The following RUFY1 variants were observed in gnomAD, a reference collection of about 807,000 sequenced individuals.
The protein encoded by RUFY1 is RUN and FYVE domain containing 1, also known as RUN and FYVE domain-containing protein 1.
A neutral mutation model predicts 94.6 loss-of-function variants in RUFY1; 54 were observed. That is an observed-to-expected ratio of 0.57 (90% CI 0.46 to 0.72). The LOEUF (loss-of-function observed/expected upper bound fraction) is 0.72, where lower values mean the gene tolerates loss of function less well. Ranked by LOEUF, RUFY1 falls within the 30% of genes least tolerant of loss-of-function variation. The probability of loss-of-function intolerance (pLI) is 0.00; values close to 1 mark genes in which losing one functional copy is unlikely to be tolerated. For missense variants in RUFY1, 883 were observed against 883.9 expected (o/e 1.00, Z 0.01); for synonymous variants, 396 against 347.3 (o/e 1.14, Z -1.56).
chr5:179,581,644 G>A (rs1225350206), intron 7 of RUFY1, among the ~76,000 whole-genome samples: 2 of 151,416 alleles, frequency 1.3e-5, no homozygotes, highest in Non-Finnish European at 2.9e-5. Context: ...GTTCCTCCCG[G>A]TGCAGTTACG....
At chr5:179,606,010 G>GGT in intron 16 of RUFY1, 86 bp downstream of exon 16, 1 of 904,266 alleles carries the variant, frequency 1.1e-6, no homozygotes, top group Admixed American at 1.9e-5. Context: ...CCAACAGTCA[G>GGT]GTGAGAGCGT....
At chr5:179,577,334 GC>G (rs1763702705) in intron 6 of RUFY1, among the ~76,000 whole-genome samples, 198 bp downstream of exon 6, 1 of 151,424 alleles carries the variant, frequency 6.6e-6, no homozygotes, top group Non-Finnish European at 1.5e-5. Flanking sequence ...ACCATGCCCA[GC>G]TAATTTTTGT....
At chr5:179,606,515 A>C (rs1263940901) in intron 16 of RUFY1, 3 of 157,942 alleles carry the variant, frequency 1.9e-5, no homozygotes, top group Admixed American at 6.5e-5. Flanking sequence ...CCTTCAAGAC[A>C]GCCTTGCCTG....
At chr5:179,608,683 T>C in intron 17 of RUFY1, 1 of 965,704 alleles carries the variant, frequency 1.0e-6, no homozygotes, top group Non-Finnish European at 1.2e-6. Context: ...ATCCTAGCAC[T>C]TTGGGAGGCT....
chr5:179,571,920 A>G (rs1431631704), intron 5 of RUFY1, among the ~76,000 whole-genome samples: 1 of 151,934 alleles, frequency 6.6e-6, no homozygotes, highest in Non-Finnish European at 1.5e-5. Context: ...ATTATTTGTT[A>G]TAAATTTTTT....
chr5:179,567,633 T>C, intron 4 of RUFY1, 71 bp downstream of exon 4: 1 of 1,088,436 alleles, frequency 9.2e-7, no homozygotes, highest in Non-Finnish European at 1.4e-6. Flanking sequence ...GTGCGGTGGC[T>C]CACACCTGTA....
intron 14 of RUFY1, 141 bp from the exon 15 acceptor site, chr5:179,601,751 G>A (rs374498458): frequency 7.7e-5 from 47 of 613,352 alleles, no homozygotes; most frequent in Middle Eastern, 4.9e-4. Context: ...CCCAGGAGGC[G>A]GAGGTTGCAG....
At chr5:179,599,904 C>T (rs904294762) in intron 14 of RUFY1, among the ~76,000 whole-genome samples, 2 of 152,184 alleles carry the variant, frequency 1.3e-5, no homozygotes, top group Admixed American at 6.5e-5. Context: ...ACACACTGCA[C>T]GATTCGAGCG....
Position 179,605,879 on chromosome 5 carries a change from C to T in RUFY1, c.1860C>T (p.Ser620=). The part of the protein sequence containing the change: ...LQEMGLHLSQ[S]KLKMEDIKEV... ...ATGGCCTTTTTTTTTTCCTTAGGTC[C>T]AAGCTGAAGATGGAAGATATAAAAG... The change falls in exon 16 of 18, where the codon TCC becomes TCT. Residue 620 remains serine (S), a synonymous_variant. Coordinates refer to ENST00000319449, the MANE Select transcript of RUFY1 (RefSeq NM_025158.5). The T allele has an allele frequency of 6.2e-7, 1 of 1,604,566 alleles. No homozygotes were observed. The highest frequency in any genetic ancestry group is 8.5e-7 in the Non-Finnish European group (1 of 1,175,312).
chr5:179,590,893 GCGTGATCTTAGCTCACTGCAACCT>G (rs1765028023), intron 9 of RUFY1: 1 of 151,712 alleles, frequency 6.6e-6, no homozygotes, highest in South Asian at 2.1e-4. Flanking sequence ...GAATGTAGTG[GCGTGATCTTAGCTCACTGCAACCT>G]CCACCTCCCG....
intron 3 of RUFY1, 32 bp from the exon 4 acceptor site, chr5:179,567,429 C>A (rs771874075): frequency 6.6e-6 from 10 of 1,520,092 alleles, no homozygotes; most frequent in Non-Finnish European, 9.1e-6. Context: ...TGTTGTTATG[C>A]CACAATAGTT....
At chr5:179,579,665 T>TTTTTTA (rs1763954868) in intron 6 of RUFY1, among the ~76,000 whole-genome samples, 1 of 90,574 alleles carries the variant, frequency 1.1e-5, no homozygotes, top group Non-Finnish European at 2.2e-5. Flanking sequence ...TTCTTTTTTT[T>TTTTTTA]TTTTTTTTTT....
rs1026724155 is a variant in RUFY1 at position 179,550,855 on chromosome 5, A to C, written c.286A>C (p.Ser96Arg). 8.3e-7 allele frequency: 1 copy of C among 1,198,490 alleles called. No individual in the cohort carries two copies. The highest frequency in any genetic ancestry group is 1.0e-6 in the Non-Finnish European group (1 of 970,048). The allele number at this position is 1,198,490 out of a possible 1,614,324, so 74.2% of individuals were successfully genotyped here. A position where few individuals can be genotyped will look rare whatever the true frequency, so the allele number is the denominator to read the frequency against. ...GGCCGCGGGGCTGGGCGGCGGGGAC[A>C]GCGGGGACGGCACGGCGCGCGCAGG... ...RAAAGLGGGD[S>R]GDGTARAASK... Residue 96 changes from serine (S) to arginine (R), a missense_variant, in exon 1 of 18, where the codon AGC (serine) becomes CGC (arginine). Physicochemically the swap from Ser to Arg is moderately radical, Grantham distance 110. Transcript: ENST00000319449.
intron 1 of RUFY1, among the ~76,000 whole-genome samples, chr5:179,552,264 G>A (rs1761903753): frequency 6.6e-6 from 1 of 151,244 alleles, no homozygotes; most frequent in Non-Finnish European, 1.5e-5. Context: ...GTATGAGATA[G>A]CACATAATAG....
chr5:179,559,528 C>A (rs1210874614), intron 1 of RUFY1, among the ~76,000 whole-genome samples: 1 of 152,198 alleles, frequency 6.6e-6, no homozygotes, highest in African/African-American at 2.4e-5. Flanking sequence ...TGCGCATCCT[C>A]CTCCGTCCGG....
At chr5:179,553,096 A>G (rs1303279096) in intron 1 of RUFY1, among the ~76,000 whole-genome samples, 1 of 152,242 alleles carries the variant, frequency 6.6e-6, no homozygotes, top group Non-Finnish European at 1.5e-5. Context: ...GTGAAGTCCA[A>G]TGGGACAGGT....
intron 1 of RUFY1, among the ~76,000 whole-genome samples, chr5:179,556,444 T>C (rs1762117493): frequency 6.6e-6 from 1 of 152,116 alleles, no homozygotes. Context: ...TAATGCTACA[T>C]TGGTAACAGG....
chr5:179,589,458 C>G (rs1268221917), intron 8 of RUFY1, 88 bp from the exon 9 acceptor site: 1 of 823,708 alleles, frequency 1.2e-6, no homozygotes, highest in Non-Finnish European at 2.1e-6. Flanking sequence ...CATACATTGT[C>G]AACTGTGAAG....
In RUFY1 at chr5:179,603,895, TA is replaced by T. The variant is rs201341766; in HGVS notation, c.1856+1914del. 9.5e-3 allele frequency among the ~76,000 whole-genome samples: 1,445 copies of T among 152,126 alleles called. 27 individuals are homozygous for T. Among genetic ancestry groups the T allele is most frequent in the African/African-American group, 0.031 (1,289 of 41,472 alleles). On this transcript the variant is annotated intron_variant, in intron 15 of 17. Coordinates refer to ENST00000319449, the MANE Select transcript of RUFY1 (RefSeq NM_025158.5). ...CAACGTGGAGAAACCCCATCTCTAC[TA>T]AAAATATAAAATTAGCCGGGCATGG...
Sources: allele counts gnomAD v4.1 joint callset (sites outside exome capture counted in the v4.1 genomes callset), GRCh38; gene constraint gnomAD v4.1.1; transcripts MANE v1.5; gene names NCBI Gene and HGNC (gene_info 2026-07-23, HGNC 2026-07-21).